Variants in SELENON observed in about 807,000 individuals in gnomAD.
SELENON encodes selenoprotein N, also known as selenoprotein N, 1.
Under a neutral mutation model 59.5 loss-of-function variants are expected in SELENON, and 44 were observed. The observed-to-expected ratio is 0.74, with a 90% CI of 0.58 to 0.95. SELENON has a LOEUF of 0.95. Ranked by LOEUF, SELENON falls within the 40% of genes least tolerant of loss-of-function variation. The pLI is 0.00. For missense variants in SELENON, 674 were observed against 721.4 expected (o/e 0.93, Z 0.75); for synonymous variants, 320 against 305.6 (o/e 1.05, Z -0.49).
chr1:25,811,192 G>C (rs1351906380), intron 7 of SELENON, among the ~76,000 whole-genome samples: 2 of 152,230 alleles, frequency 1.3e-5, no homozygotes, highest in Non-Finnish European at 2.9e-5. Flanking sequence ...GGCCATGGCT[G>C]TGCAGGCCCT....
chr1:25,800,305 C>T lies in SELENON; in HGVS notation c.75C>T (p.Arg25=). 1 of 995,616 alleles carries T rather than the reference C, an allele frequency of 1.0e-6. No homozygotes were observed. Among genetic ancestry groups the T allele is most frequent in the East Asian group, 1.1e-4 (1 of 9,108 alleles). 61.7% of individuals were successfully genotyped at this position (995,616 alleles called of 1,614,324 possible). A position where few individuals can be genotyped will look rare whatever the true frequency, so the allele number is the denominator to read the frequency against. Residue 25 remains arginine, a synonymous_variant, in exon 1 of 13, where the codon CGC becomes CGT. Coordinates refer to ENST00000361547, the MANE Select transcript of SELENON (RefSeq NM_020451.3). ...CCGCGCAGCCTCCCGCGCCACCGCG[C>T]CGCCGCGCCCGTTCCCTGGCGCTGC...
Position 25,807,843 on chromosome 1 carries a change from C to T in SELENON, c.538-737C>T, listed in dbSNP as rs2047920915. Among the ~76,000 whole-genome samples, 1 of 152,148 alleles carries T rather than the reference C, an allele frequency of 6.6e-6. No homozygotes were observed. The highest frequency in any genetic ancestry group is 1.5e-5 in the Non-Finnish European group (1 of 68,018). The stretch of plus-strand genomic sequence containing the variant: ...GACAGCTCTGTGGTCTCTGAGCGTC[C>T]TCTCCGAGCCATCAGCTTGTCAGAC... On this transcript the variant is annotated intron_variant, in intron 4 of 12. Coordinates refer to ENST00000361547, the MANE Select transcript of SELENON (RefSeq NM_020451.3). This position sits in a 1 kb window ranked among gnomAD's most constrained non-coding sequence, Gnocchi z 4.5.
In SELENON at chr1:25,812,724, C is replaced by T. The variant is rs2047976696; in HGVS notation, c.1319C>T (p.Ala440Val). ...CCGTTCACTGAGGCCTTCGACCGAGCCAAGGCTGAGAACAAGCTGGTGCAC... is the reference window on the plus strand; with the variant it reads ...CCGTTCACTGAGGCCTTCGACCGAGTCAAGGCTGAGAACAAGCTGGTGCAC... The change falls in exon 10 of 13, where the codon GCC becomes GTC. Residue 440 changes from alanine to valine, a missense_variant. Ala to Val is a moderately conservative substitution (Grantham distance 64). Coordinates refer to ENST00000361547, the MANE Select transcript of SELENON (RefSeq NM_020451.3). 1 of 1,613,086 alleles carries T rather than the reference C, an allele frequency of 6.2e-7. No individual in the cohort carries two copies. Among genetic ancestry groups the T allele is most frequent in the Non-Finnish European group, 8.5e-7 (1 of 1,179,856 alleles).
In SELENON at chr1:25,815,708, T is replaced by C; in HGVS notation, c.1763T>C (p.Leu588Pro). The change falls in exon 13 of 13, where the codon CTC becomes CCC. Residue 588 changes from leucine (L) to proline (P), a missense_variant. By Grantham distance (98) the Leu-to-Pro change is moderately conservative. Transcript: ENST00000361547. ...GGACTCCGGCGTGGCCTGCCCCTCCTCCAGCCCTAGAGTGCCTGGACGGGA... is the reference window on the plus strand; with the variant it reads ...GGACTCCGGCGTGGCCTGCCCCTCCCCCAGCCCTAGAGTGCCTGGACGGGA... 2 of 1,613,952 alleles carry C rather than the reference T, an allele frequency of 1.2e-6. No individual in the cohort carries two copies. The highest frequency in any genetic ancestry group is 2.2e-5 in the South Asian group (2 of 91,086).
intron 4 of SELENON, among the ~76,000 whole-genome samples, chr1:25,808,193 C>T (rs939020254): frequency 6.6e-6 from 1 of 152,232 alleles, no homozygotes; most frequent in Admixed American, 6.5e-5. Flanking sequence ...CCAAGGCTGG[C>T]CCATGGGCTT....
At chr1:25,815,274 C>T (rs1383365294) in intron 12 of SELENON, among the ~76,000 whole-genome samples, 1 of 128,394 alleles carries the variant, frequency 7.8e-6, no homozygotes, top group Non-Finnish European at 1.6e-5. Context: ...TTTCGGGGGG[C>T]GGGGGCAGAG....
chr1:25,802,734 G>A (rs566970415), intron 3 of SELENON, among the ~76,000 whole-genome samples: 1 of 152,328 alleles, frequency 6.6e-6, no homozygotes, highest in Admixed American at 6.5e-5. Flanking sequence ...AAGATGAGGG[G>A]CTGAAACATT....
Position 25,806,861 on chromosome 1 carries a change from G to A in SELENON, c.537+1586G>A, listed in dbSNP as rs191613332. On this transcript the variant is annotated intron_variant, in intron 4 of 12. Transcript: ENST00000361547. ...TTTTGGGACGGAGTCTCGCTCTGTC[G>A]CCCAGGCTGGAGTGCAGTGGCGCGA... Among the ~76,000 whole-genome samples, 41 of 136,046 alleles carry A rather than the reference G, an allele frequency of 3.0e-4. No homozygotes were observed. The South Asian group carries it at 8.0e-3, about 26-fold the overall frequency. 89.3% of individuals were successfully genotyped at this position (136,046 alleles called of 152,430 possible). A position where few individuals can be genotyped will look rare whatever the true frequency, so the allele number is the denominator to read the frequency against.
rs2047973228 is a variant in SELENON at position 25,812,564 on chromosome 1, A to AC, written c.1282-123_1282-122insC. 1.1e-3 allele frequency: 653 copies of AC among 574,392 alleles called. 1 individual carries two copies. The highest frequency in any genetic ancestry group is 1.4e-3 in the Non-Finnish European group (463 of 319,472). 35.6% of individuals were successfully genotyped at this position (574,392 alleles called of 1,614,324 possible). A position where few individuals can be genotyped will look rare whatever the true frequency, so the allele number is the denominator to read the frequency against. On this transcript the variant is annotated intron_variant, in intron 9 of 12. Transcript: ENST00000361547. The stretch of plus-strand genomic sequence containing the variant: ...ACACAAATATATATGCCTACACACA[A>AC]ACACACACACACACACACACACACA...
At chr1:25,805,040 C>G in intron 3 of SELENON, 102 bp from the exon 3 acceptor site, 1 of 1,513,044 alleles carries the variant, frequency 6.6e-7, no homozygotes, top group African/African-American at 1.4e-5. Context: ...GCTACCCCCA[C>G]CCCCTGCCTG....
intron 6 of SELENON, among the ~76,000 whole-genome samples, chr1:25,809,469 G>C (rs1296006264): frequency 1.3e-5 from 2 of 152,222 alleles, no homozygotes; most frequent in Non-Finnish European, 2.9e-5. Context: ...TGTGAAGGCT[G>C]GGGGAGGGGG....
intron 3 of SELENON, among the ~76,000 whole-genome samples, chr1:25,804,086 CCTT>C (rs1318194625): frequency 7.9e-5 from 12 of 152,230 alleles, no homozygotes; most frequent in East Asian, 1.9e-4. Flanking sequence ...CCTGTTGCTC[CCTT>C]CTTCTTGGGT....
intron 10 of SELENON, chr1:25,813,429 G>A (rs2047983700): frequency 3.0e-6 from 1 of 330,764 alleles, no homozygotes; most frequent in Non-Finnish European, 6.0e-6. Flanking sequence ...GTACAAGCAC[G>A]GTGAGTGTTC....
chr1:25,812,203 G>C (rs2124451767), intron 9 of SELENON, among the ~76,000 whole-genome samples: 1 of 152,084 alleles, frequency 6.6e-6, no homozygotes, highest in East Asian at 1.9e-4. Context: ...ATTACCTGGG[G>C]GTGGTGGTAG....
intron 7 of SELENON, 80 bp from the exon 7 acceptor site, chr1:25,811,374 G>A: frequency 8.2e-7 from 1 of 1,224,214 alleles, no homozygotes; most frequent in Non-Finnish European, 1.2e-6. Context: ...AGTGGAGACA[G>A]TTGCAGGTAT....
intron 9 of SELENON, among the ~76,000 whole-genome samples, chr1:25,812,217 G>A (rs1049084114): frequency 6.6e-6 from 1 of 151,888 alleles, no homozygotes. Context: ...GTGGTAGCAC[G>A]CACCTGTAGT....
chr1:25,807,398 G>A lies in SELENON; in HGVS notation c.538-1182G>A, dbSNP rs1168463959. Among the ~76,000 whole-genome samples the A allele has an allele frequency of 6.6e-6, 1 of 152,240 alleles. No homozygotes were observed. The highest frequency in any genetic ancestry group is 1.5e-5 in the Non-Finnish European group (1 of 68,050). On this transcript the variant is annotated intron_variant, in intron 4 of 12. Transcript: ENST00000361547. The surrounding 1 kb of genome is among the most constrained non-coding windows in gnomAD (Gnocchi z 4.5). ...GAGACAGTGCAGCAGATAGGCAGGAGTCCAGGAAGTGGTCAAAACCGGTCT... is the reference window on the plus strand; with the variant it reads ...GAGACAGTGCAGCAGATAGGCAGGAATCCAGGAAGTGGTCAAAACCGGTCT...
Position 25,800,401 on chromosome 1 carries a change from G to A in SELENON, c.171G>A (p.Ala57=), listed in dbSNP as rs1057523110. 5 of 1,094,234 alleles carry A rather than the reference G, an allele frequency of 4.6e-6. No homozygotes were observed. The South Asian group carries it at 2.2e-4, about 48-fold the overall frequency. 67.8% of individuals were successfully genotyped at this position (1,094,234 alleles called of 1,614,324 possible). A position where few individuals can be genotyped will look rare whatever the true frequency, so the allele number is the denominator to read the frequency against. Residue 57 remains alanine (A), a synonymous_variant, in exon 1 of 13, where the codon GCG becomes GCA. Transcript: ENST00000361547. ...GCGCCCGCCACGCCGAGGCCCAGGC[G>A]GCCGCGCGGCAGGTCCGGGCCCGAG...
chr1:25,808,652 C>T lies in SELENON; in HGVS notation c.610C>T (p.Arg204Cys), dbSNP rs754161311. 21 of 1,613,886 alleles carry T rather than the reference C, an allele frequency of 1.3e-5. No individual in the cohort carries two copies. Among genetic ancestry groups the T allele is most frequent in the Admixed American group, 1.7e-5 (1 of 60,008 alleles). ...CTCACCAAGTGCAGTGTTTGCCACC[C>T]GCCACTTCCAGCCCTTCCTTCCCCC... The change falls in exon 5 of 13, where the codon CGC becomes TGC. Residue 204 changes from arginine (R) to cysteine (C), a missense_variant. Transcript: ENST00000361547.
Sources: gnomAD v4.1 joint callset for allele counts (sites outside exome capture counted in the v4.1 genomes callset) on GRCh38, gnomAD v4.1.1 for gene constraint, Gnocchi (gnomAD v3.1) non-coding constraint, MANE v1.5 for transcripts, NCBI Gene and HGNC (gene_info 2026-07-23, HGNC 2026-07-21) for gene names.